The following BANP variants were observed in gnomAD, a reference collection of about 807,000 sequenced individuals.
BANP encodes protein BANP.
BANP carries 11 observed loss-of-function variants against 68.1 expected under a neutral mutation model. The ratio of observed to expected loss-of-function variants is 0.16; its 90% CI spans 0.10 to 0.27. BANP has a LOEUF of 0.27. Ranked by LOEUF, BANP falls within the 10% of genes least tolerant of loss-of-function variation. BANP has a pLI of 1.00. For missense variants in BANP, 504 were observed against 722.7 expected (o/e 0.70, Z 3.47); for synonymous variants, 329 against 303.2 (o/e 1.09, Z -0.88).
intron 11 of BANP, among the ~76,000 whole-genome samples, chr16:88,061,039 A>AGG: frequency 6.6e-6 from 1 of 152,056 alleles, no homozygotes; most frequent in Non-Finnish European, 1.5e-5. Context: ...CCCTGCTGGA[A>AGG]GGGGGGGTGG....
intron 6 of BANP, among the ~76,000 whole-genome samples, chr16:88,007,422 C>T (rs1168946536): frequency 6.6e-6 from 1 of 152,216 alleles, no homozygotes; most frequent in African/African-American, 2.4e-5. Context: ...TCCTGCAGGG[C>T]TCTGAGGTGC....
intron 11 of BANP, among the ~76,000 whole-genome samples, chr16:88,053,624 C>T (rs2083981535): frequency 6.7e-6 from 1 of 149,126 alleles, no homozygotes; most frequent in Non-Finnish European, 1.5e-5. Flanking sequence ...ACCACCCCCA[C>T]CTCCTTCACT....
chr16:88,022,610 G>T (rs1415751955), intron 7 of BANP, among the ~76,000 whole-genome samples: 5 of 152,204 alleles, frequency 3.3e-5, no homozygotes, highest in Admixed American at 6.5e-5. Flanking sequence ...GGTGCCTCAG[G>T]TTCCTGTGGC....
At chr16:88,019,459 CAG>C (rs1016575898) in intron 7 of BANP, among the ~76,000 whole-genome samples, 7 of 151,582 alleles carry the variant, frequency 4.6e-5, no homozygotes, top group South Asian at 2.1e-4. Flanking sequence ...AGAGTCACCT[CAG>C]GGGAGCGTGA....
chr16:88,045,871 C>T (rs528113255), intron 11 of BANP, among the ~76,000 whole-genome samples: 31 of 152,274 alleles, frequency 2.0e-4, no homozygotes, highest in African/African-American at 7.5e-4. Context: ...TTGGCAGTGT[C>T]GCTTCCTCGT....
intron 11 of BANP, among the ~76,000 whole-genome samples, chr16:88,044,745 A>T (rs1414096691): frequency 1.3e-5 from 2 of 152,236 alleles, no homozygotes; most frequent in South Asian, 4.1e-4. Flanking sequence ...GCACTTTGGG[A>T]GGCCGAGGCA....
chr16:88,076,666 T>C lies in BANP; in HGVS notation c.*5T>C. 1 of 1,606,286 alleles carries C rather than the reference T, an allele frequency of 6.2e-7. No homozygotes were observed. Among genetic ancestry groups the C allele is most frequent in the Non-Finnish European group, 8.5e-7 (1 of 1,179,148 alleles). On this transcript the variant is annotated 3_prime_UTR_variant, in exon 14 of 14. Transcript: ENST00000682872. ...GGGGCCATCCAGATTCAGTGAGCGG[T>C]GCCCATGGCACCAGGAGCCCCTCGC...
intron 4 of BANP, among the ~76,000 whole-genome samples, chr16:87,999,433 T>A (rs1397016903): frequency 1.0e-4 from 6 of 59,074 alleles, no homozygotes; most frequent in African/African-American, 1.6e-4. Context: ...CAGACACGTC[T>A]CCATGCACGC....
intron 1 of BANP, chr16:87,956,687 T>A (rs1015342624): frequency 2.6e-5 from 4 of 152,132 alleles, no homozygotes; most frequent in African/African-American, 9.7e-5. Context: ...AAGCTCAGCC[T>A]GCTTTGGTTG....
intron 6 of BANP, among the ~76,000 whole-genome samples, chr16:88,012,248 GGTTTGCTCTGT>G (rs1165895078): frequency 6.6e-6 from 1 of 152,200 alleles, no homozygotes; most frequent in Non-Finnish European, 1.5e-5. Context: ...ATTCTGTGTG[GGTTTGCTCTGT>G]GTTATCCATT....
rs940271188 is a variant in BANP at position 88,076,797 on chromosome 16, G to A, written c.*136G>A. On this transcript the variant is annotated 3_prime_UTR_variant, in exon 14 of 14. Coordinates refer to ENST00000682872, the MANE Select transcript of BANP (RefSeq NM_001386991.1). Reference sequence around the variant, plus strand: ...AGTGCGTCTGAAGGCCGCTGCCTCCGCGGGGAACAGCATCCTATCAACTGA... The same window carrying A: ...AGTGCGTCTGAAGGCCGCTGCCTCCACGGGGAACAGCATCCTATCAACTGA... 3 of 688,964 alleles carry A rather than the reference G, an allele frequency of 4.4e-6. No individual in the cohort carries two copies. Among genetic ancestry groups the A allele is most frequent in the Non-Finnish European group, 7.1e-6 (3 of 422,938 alleles). The allele number at this position is 688,964 out of a possible 1,614,324, so 42.7% of individuals were successfully genotyped here.
chr16:87,959,504 G>T (rs1342943390), intron 1 of BANP, among the ~76,000 whole-genome samples: 1 of 152,230 alleles, frequency 6.6e-6, no homozygotes, highest in African/African-American at 2.4e-5. Flanking sequence ...GAGGCTGCTT[G>T]CGAGGGAGGC....
chr16:88,059,308 G>C (rs913816681), intron 11 of BANP, among the ~76,000 whole-genome samples: 1 of 151,830 alleles, frequency 6.6e-6, no homozygotes, highest in South Asian at 2.1e-4. Context: ...CTTCCCTCTC[G>C]GCAGTGCTTG....
At position 87,989,187 on chromosome 16, in the gene BANP, C is replaced by T. The variant is rs146000749; in HGVS notation, c.362+4928C>T. Among the ~76,000 whole-genome samples the T allele has an allele frequency of 3.1e-3, 471 of 152,352 alleles. 1 individual carries two copies. The highest frequency in any genetic ancestry group is 0.011 in the African/African-American group (450 of 41,576). ...AAATGCGAGTCACCTGGATGGGCCTCATCCAACAGTCGTCATCGACTTGGG... is the reference window on the plus strand; with the variant it reads ...AAATGCGAGTCACCTGGATGGGCCTTATCCAACAGTCGTCATCGACTTGGG... On this transcript the variant is annotated intron_variant, in intron 4 of 13. Coordinates refer to ENST00000682872, the MANE Select transcript of BANP (RefSeq NM_001386991.1).
intron 11 of BANP, among the ~76,000 whole-genome samples, chr16:88,060,747 T>C (rs2086520394): frequency 6.6e-6 from 1 of 152,064 alleles, no homozygotes; most frequent in African/African-American, 2.4e-5. Context: ...CTCCCCGACC[T>C]GCCCTTCTCC....
At chr16:88,027,901 C>T (rs370401928) in intron 8 of BANP, among the ~76,000 whole-genome samples, 2 of 152,244 alleles carry the variant, frequency 1.3e-5, no homozygotes, top group African/African-American at 2.4e-5. Context: ...TTGGGCCTCC[C>T]GGAAGTCTTC....
rs931981266 is a variant in BANP at position 88,036,508 on chromosome 16, C to T, written c.1272+1114C>T. Among the ~76,000 whole-genome samples, 14 of 152,228 alleles carry T rather than the reference C, an allele frequency of 9.2e-5. No individual in the cohort carries two copies. Among genetic ancestry groups the T allele is most frequent in the East Asian group, 1.9e-4 (1 of 5,176 alleles). On this transcript the variant is annotated intron_variant, in intron 10 of 13. Coordinates refer to ENST00000682872, the MANE Select transcript of BANP (RefSeq NM_001386991.1). The surrounding 1 kb of genome is among the most constrained non-coding windows in gnomAD (Gnocchi z 4.2). ...CTGTGGACACATGCACGCCGTGGCA[C>T]GTGGAGCACCAGGGACTCGGGCGTG...
rs1322239986 is a variant in BANP, at chr16:88,018,677, G to A, written c.895+10G>A. ...ATCTACGGCATCCGGTGTAAGTCGG[G>A]CCCCGCCTTGGGGGACTGGGGTGTG... On this transcript the variant is annotated intron_variant, in intron 7 of 13. Transcript: ENST00000682872. This position sits in a 1 kb window ranked among gnomAD's most constrained non-coding sequence, Gnocchi z 7.7. The A allele has an allele frequency of 3.2e-6, 5 of 1,553,914 alleles. No homozygotes were observed. The South Asian group carries it at 4.7e-5, about 15-fold the overall frequency.
chr16:88,023,015 G>T (rs1373880665), intron 7 of BANP, among the ~76,000 whole-genome samples: 1 of 152,216 alleles, frequency 6.6e-6, no homozygotes, highest in Non-Finnish European at 1.5e-5. Flanking sequence ...GGACACGGGT[G>T]GTCAGGTGCT....
Sources: allele counts gnomAD v4.1 joint callset (sites outside exome capture counted in the v4.1 genomes callset), GRCh38; gene constraint gnomAD v4.1.1; non-coding constraint Gnocchi (gnomAD v3.1); transcripts MANE v1.5; gene names NCBI Gene and HGNC (gene_info 2026-07-23, HGNC 2026-07-21).